Variants in FDFT1 observed in about 807,000 individuals in gnomAD.
FDFT1 encodes the protein farnesyl-diphosphate farnesyltransferase 1, also known as squalene synthase.
FDFT1 carries 68 observed loss-of-function variants against 46.8 expected under a neutral mutation model. The observed-to-expected ratio is 1.45, with a 90% CI of 1.19 to 1.78. The LOEUF (loss-of-function observed/expected upper bound fraction) is 1.78, where lower values mean the gene tolerates loss of function less well. Among genes scored for constraint, FDFT1 ranks in the 40% most tolerant of loss-of-function variants. The pLI, the probability that FDFT1 is intolerant of heterozygous loss-of-function variation, is 0.00. For missense variants in FDFT1, 928 were observed against 524.4 expected (o/e 1.77, Z -7.52); for synonymous variants, 351 against 185.1 (o/e 1.90, Z -7.28).
rs1469933204 is a variant in FDFT1 at position 11,838,595 on chromosome 8, A to T, written c.1240A>T (p.Thr414Ser). 4 of 1,613,392 alleles carry T rather than the reference A, an allele frequency of 2.5e-6. No individual in the cohort carries two copies. Among genetic ancestry groups the T allele is most frequent in the Non-Finnish European group, 3.4e-6 (4 of 1,179,414 alleles). The change falls in exon 8 of 8, where the codon ACT becomes TCT. Residue 414 changes from threonine (T) to serine (S), a missense_variant. By Grantham distance (58) the Thr-to-Ser change is moderately conservative. Coordinates refer to ENST00000220584, the MANE Select transcript of FDFT1 (RefSeq NM_004462.5). ...CCAGGTAACAGAAGACTATGTTCAG[A>T]CTGGAGAACACTGATCCCAAATTTG... Reference protein sequence around the residue: ...LSQVTEDYVQTGEH With the variant: ...LSQVTEDYVQSGEH
At chr8:11,810,917 T>C (rs1399038130) in intron 3 of FDFT1, among the ~76,000 whole-genome samples, 1 of 88,046 alleles carries the variant, frequency 1.1e-5, no homozygotes, top group Non-Finnish European at 2.1e-5. Flanking sequence ...TTCTTGGGCA[T>C]AATGGGAGCA....
chr8:11,825,914 A>G, intron 4 of FDFT1, 110 bp from the exon 5 acceptor site: 3 of 574,908 alleles, frequency 5.2e-6, no homozygotes, highest in Non-Finnish European at 8.5e-6. Context: ...ATCAAAATGC[A>G]TTCTTACCCA....
intron 1 of FDFT1, among the ~76,000 whole-genome samples, chr8:11,797,129 T>C (rs988877369): frequency 2.0e-5 from 3 of 152,178 alleles, no homozygotes; most frequent in African/African-American, 7.2e-5. Flanking sequence ...CATGGCAAAC[T>C]GGTGGGCGTG....
At chr8:11,837,540 G>T (rs1210111944) in intron 7 of FDFT1, among the ~76,000 whole-genome samples, 1 of 152,166 alleles carries the variant, frequency 6.6e-6, no homozygotes, top group African/African-American at 2.4e-5. Context: ...CCCGGCAACT[G>T]TTACTAGACT....
chr8:11,810,056 G>C (rs893397630), intron 3 of FDFT1: 3 of 528,796 alleles, frequency 5.7e-6, no homozygotes, highest in Admixed American at 3.6e-5. Context: ...TAAACTGTTG[G>C]TTACTTACAA....
chr8:11,827,889 AC>A (rs1810222726), intron 5 of FDFT1, among the ~76,000 whole-genome samples: 1 of 148,960 alleles, frequency 6.7e-6, no homozygotes, highest in African/African-American at 2.5e-5. Context: ...ACAAAACAAA[AC>A]AAAACAAAAC....
At chr8:11,800,169 G>A (rs558581330), upstream of FDFT1, among the ~76,000 whole-genome samples, 9 of 148,270 alleles carry the variant, frequency 6.1e-5, no homozygotes, top group South Asian at 1.9e-3. Flanking sequence ...GCTGAGGCAG[G>A]AGAAGCACTT....
chr8:11,832,275 C>T (rs537980239), intron 7 of FDFT1, among the ~76,000 whole-genome samples: 1 of 152,072 alleles, frequency 6.6e-6, no homozygotes, highest in South Asian at 2.1e-4. Context: ...TTATTTCTGG[C>T]CAGGCACAGT....
At chr8:11,835,122 C>T (rs1811361607) in intron 7 of FDFT1, among the ~76,000 whole-genome samples, 1 of 152,170 alleles carries the variant, frequency 6.6e-6, no homozygotes, top group Non-Finnish European at 1.5e-5. Flanking sequence ...AAGGCCCTTT[C>T]TCAAACCCCT....
chr8:11,807,395 T>G (rs1462255966), intron 1 of FDFT1, among the ~76,000 whole-genome samples: 1 of 152,184 alleles, frequency 6.6e-6, no homozygotes, highest in Non-Finnish European at 1.5e-5. Flanking sequence ...ATTCCTGGGC[T>G]CAAGTGATTC....
rs138202235 is a variant in FDFT1 at position 11,820,241 on chromosome 8, A to G, written c.382-1509A>G. ...CTTCGTCCAAGAAGGACACCCACCTATATGAGGTGTCTGTCGGCCCCTACT... is the reference window on the plus strand; with the variant it reads ...CTTCGTCCAAGAAGGACACCCACCTGTATGAGGTGTCTGTCGGCCCCTACT... On this transcript the variant is annotated intron_variant, in intron 3 of 7. Coordinates refer to ENST00000220584, the MANE Select transcript of FDFT1 (RefSeq NM_004462.5). 2.3e-3 allele frequency among the ~76,000 whole-genome samples: 349 copies of G among 152,180 alleles called. 5 individuals carry two copies. The East Asian group carries it at 0.027, about 12-fold the overall frequency.
chr8:11,814,149 A>G lies in FDFT1; in HGVS notation c.381+4299A>G, dbSNP rs560582361. ...AGGATCTGTGGAATGAGCAGAGTCC[A>G]ACGGAGATTCAGGGATTCTAATAAC... On this transcript the variant is annotated intron_variant, in intron 3 of 7. Coordinates refer to ENST00000220584, the MANE Select transcript of FDFT1 (RefSeq NM_004462.5). Among the ~76,000 whole-genome samples, 9 of 152,328 alleles carry G rather than the reference A, an allele frequency of 5.9e-5. 1 individual carries two copies. In the East Asian group the frequency reaches 1.7e-3, roughly 29 times the overall value.
intron 6 of FDFT1, among the ~76,000 whole-genome samples, 192 bp downstream of exon 6, chr8:11,830,612 G>C (rs997446418): frequency 1.2e-4 from 18 of 152,182 alleles, no homozygotes; most frequent in African/African-American, 4.1e-4. Context: ...TTGAGGTTAA[G>C]CCTGCTCCTT....
intron 1 of FDFT1, among the ~76,000 whole-genome samples, chr8:11,806,958 T>C (rs1006097093): frequency 6.6e-6 from 1 of 152,174 alleles, no homozygotes; most frequent in Non-Finnish European, 1.5e-5. Flanking sequence ...AATGACTTTT[T>C]CAGGATTATG....
At chr8:11,818,409 A>T (rs866306863) in intron 3 of FDFT1, among the ~76,000 whole-genome samples, 38 of 152,296 alleles carry the variant, frequency 2.5e-4, no homozygotes, top group African/African-American at 7.0e-4. Flanking sequence ...CAAGTCCTGG[A>T]TATCCTTGTT....
At chr8:11,803,064 C>A (rs992986764) in intron 1 of FDFT1, 133 bp downstream of exon 1, 4 of 1,453,546 alleles carry the variant, frequency 2.8e-6, no homozygotes, top group Non-Finnish European at 3.6e-6. Flanking sequence ...GTTCCCGTCC[C>A]CCTTTCCTCG....
At chr8:11,811,592 A>C (rs1238346405) in intron 3 of FDFT1, among the ~76,000 whole-genome samples, 1 of 152,214 alleles carries the variant, frequency 6.6e-6, no homozygotes, top group Non-Finnish European at 1.5e-5. Context: ...TCCTGTGTTC[A>C]TACAGTGTTC....
At position 11,838,737 on chromosome 8, in the gene FDFT1, G is replaced by C. The variant is rs1166103982; in HGVS notation, c.*128G>C. The C allele has an allele frequency of 1.3e-6, 1 of 768,656 alleles. No homozygotes were observed. Among genetic ancestry groups the C allele is most frequent in the African/African-American group, 1.7e-5 (1 of 57,260 alleles). 47.6% of individuals were successfully genotyped at this position (768,656 alleles called of 1,614,324 possible). A position where few individuals can be genotyped will look rare whatever the true frequency, so the allele number is the denominator to read the frequency against. On this transcript the variant is annotated 3_prime_UTR_variant, in exon 8 of 8. Transcript: ENST00000220584. ...CCCTAAAAGAACGCTGTGTGGCTGG[G>C]ACCTTTAGGAAAGTGAAATGCAGGT...
intron 5 of FDFT1, among the ~76,000 whole-genome samples, chr8:11,827,087 A>C (rs766573772): frequency 6.6e-6 from 1 of 152,256 alleles, no homozygotes; most frequent in Non-Finnish European, 1.5e-5. Context: ...GAAGGAAAGT[A>C]GAAAATTTTA....
Sources: gnomAD v4.1 joint callset for allele counts (sites outside exome capture counted in the v4.1 genomes callset) on GRCh38, gnomAD v4.1.1 for gene constraint, MANE v1.5 for transcripts, NCBI Gene and HGNC (gene_info 2026-07-23, HGNC 2026-07-21) for gene names.